LAMA2: variants seen among roughly 807,000 people sequenced by gnomAD.
LAMA2 encodes laminin subunit alpha 2, also known as laminin subunit alpha-2.
LAMA2 carries 269 observed loss-of-function variants against 364.8 expected under a neutral mutation model. The ratio of observed to expected loss-of-function variants is 0.74; its 90% CI spans 0.67 to 0.82. LAMA2 has a LOEUF of 0.82. LAMA2 is among the 40% of genes least tolerant of loss of function. The pLI is 0.00. For missense variants in LAMA2, 3,807 were observed against 3,873.2 expected, an observed-to-expected ratio of 0.98 and a Z score of 0.45; for synonymous variants, 1,379 against 1,370.6, an observed-to-expected ratio of 1.01 and a Z score of -0.14.
chr6:129,162,226 G>T (rs1281011619), intron 8 of LAMA2, among the ~76,000 whole-genome samples: 1 of 152,118 alleles, frequency 6.6e-6, no homozygotes, highest in Non-Finnish European at 1.5e-5. Flanking sequence ...TTAAGCTCAT[G>T]ATATAGTGAT....
Position 129,034,901 on chromosome 6 carries a change from T to G in LAMA2, c.113-15017T>G, listed in dbSNP as rs181333448. On this transcript the variant is annotated intron_variant, in intron 1 of 64. Transcript: ENST00000421865. ...CACATAGATTGTTGAGCACATAGAT[T>G]GAGTCCATGACTTTGCTATTGTGAA... 4.6e-5 allele frequency among the ~76,000 whole-genome samples: 7 copies of G among 152,300 alleles called. No homozygotes were observed. In the East Asian group the frequency reaches 1.3e-3, roughly 29 times the overall value.
At chr6:128,952,270 C>T (rs1009340846) in intron 1 of LAMA2, among the ~76,000 whole-genome samples, 3 of 152,114 alleles carry the variant, frequency 2.0e-5, no homozygotes, top group East Asian at 1.9e-4. Context: ...AAATATCTTT[C>T]CTAGAGTATA....
chr6:129,200,427 T>TATATAC (rs757627169), intron 12 of LAMA2, among the ~76,000 whole-genome samples: 2 of 149,040 alleles, frequency 1.3e-5, no homozygotes, highest in Admixed American at 1.3e-4. Flanking sequence ...TACGTGTATA[T>TATATAC]GTGTACACAT....
At chr6:128,979,191 ATATG>A in intron 1 of LAMA2, among the ~76,000 whole-genome samples, 1 of 152,282 alleles carries the variant, frequency 6.6e-6, no homozygotes, top group Middle Eastern at 3.4e-3. Context: ...GATATAAACA[ATATG>A]TATGTGTGAG....
intron 1 of LAMA2, among the ~76,000 whole-genome samples, chr6:129,027,606 T>A (rs1447568905): frequency 1.3e-5 from 2 of 151,954 alleles, no homozygotes; most frequent in Non-Finnish European, 2.9e-5. Context: ...TTTTTAATGT[T>A]AAAGATATGG....
chr6:129,390,026 T>C (rs1220152270), intron 35 of LAMA2, among the ~76,000 whole-genome samples: 9 of 152,194 alleles, frequency 5.9e-5, no homozygotes, highest in Non-Finnish European at 1.0e-4. Context: ...ATCTACAGCA[T>C]TGGCTATCAG....
At chr6:129,031,026 C>T (rs1234296757) in intron 1 of LAMA2, among the ~76,000 whole-genome samples, 18 of 152,078 alleles carry the variant, frequency 1.2e-4, no homozygotes, top group Non-Finnish European at 1.5e-5. Context: ...GAATTATTAG[C>T]AATACTATGC....
At chr6:129,152,036 G>A (rs754274677) in intron 7 of LAMA2, among the ~76,000 whole-genome samples, 1 of 152,130 alleles carries the variant, frequency 6.6e-6, no homozygotes, top group Non-Finnish European at 1.5e-5. Context: ...AGCAGGTTGG[G>A]AAAGGTATTT....
chr6:129,366,148 G>A (rs1175883973), intron 32 of LAMA2, 71 bp from the exon 33 acceptor site: 8 of 1,505,684 alleles, frequency 5.3e-6, no homozygotes, highest in Admixed American at 3.3e-5. Context: ...ATATTTCATA[G>A]CTGAATTCTT....
At position 129,058,694 on chromosome 6, in the gene LAMA2, A is replaced by G. The variant is rs1788666145; in HGVS notation, c.284-1090A>G. ...CCGCAAAAAGCTTCTGTAAGGGCCAAGGGAAAACTTCTCTTTTGCCCTCTG... is the reference window on the plus strand; with the variant it reads ...CCGCAAAAAGCTTCTGTAAGGGCCAGGGGAAAACTTCTCTTTTGCCCTCTG... On this transcript the variant is annotated intron_variant, in intron 2 of 64. Coordinates refer to ENST00000421865, the MANE Select transcript of LAMA2 (RefSeq NM_000426.4). Among the ~76,000 whole-genome samples the G allele has an allele frequency of 2.0e-5, 3 of 152,350 alleles. No homozygotes were observed. In the South Asian group the frequency reaches 6.2e-4, roughly 32 times the overall value.
chr6:129,323,490 A>T (rs755684519), intron 28 of LAMA2, among the ~76,000 whole-genome samples: 1 of 152,090 alleles, frequency 6.6e-6, no homozygotes, highest in Non-Finnish European at 1.5e-5. Context: ...TAAAAATGTT[A>T]GTTTTAGAAA....
At chr6:129,438,104 G>A (rs1474911005) in intron 41 of LAMA2, among the ~76,000 whole-genome samples, 8 of 151,660 alleles carry the variant, frequency 5.3e-5, no homozygotes, top group African/African-American at 1.9e-4. Context: ...TTTTCTTTAT[G>A]AGAAAAATGA....
intron 8 of LAMA2, among the ~76,000 whole-genome samples, chr6:129,161,559 A>G (rs1779439891): frequency 1.3e-5 from 2 of 152,128 alleles, no homozygotes; most frequent in Admixed American, 1.3e-4. Context: ...AGGTTCAGGT[A>G]GTACATGGGT....
At chr6:129,270,434 CTG>C (rs1244854596) in intron 16 of LAMA2, among the ~76,000 whole-genome samples, 188 bp from the exon 17 acceptor site, 2 of 152,030 alleles carry the variant, frequency 1.3e-5, no homozygotes, top group African/African-American at 4.8e-5. Context: ...GCTGAAACTA[CTG>C]TGTTGTTTAT....
chr6:129,501,024 G>A (rs1346473516), intron 58 of LAMA2, among the ~76,000 whole-genome samples: 2 of 152,172 alleles, frequency 1.3e-5, no homozygotes, highest in African/African-American at 4.8e-5. Context: ...GTGTAAAGAT[G>A]TTTCAGTGAA....
intron 4 of LAMA2, among the ~76,000 whole-genome samples, chr6:129,137,283 C>A (rs114311281): frequency 1.3e-5 from 2 of 151,674 alleles, no homozygotes; most frequent in East Asian, 3.9e-4. Context: ...TTATTAAAGA[C>A]CTTCCAAACT....
chr6:129,188,500 C>T (rs538524555), intron 10 of LAMA2, among the ~76,000 whole-genome samples: 5 of 151,986 alleles, frequency 3.3e-5, no homozygotes, highest in East Asian at 1.9e-4. Context: ...GTGTCCTCAA[C>T]GGGATAAACT....
intron 1 of LAMA2, among the ~76,000 whole-genome samples, chr6:128,948,606 G>T (rs116632691): frequency 0.012 from 1,809 of 152,260 alleles, 41 homozygotes; most frequent in African/African-American, 0.039. Flanking sequence ...CCTTCAAATC[G>T]CATGTTGAAA....
intron 35 of LAMA2, among the ~76,000 whole-genome samples, chr6:129,385,244 G>T (rs952924621): frequency 1.6e-5 from 2 of 124,900 alleles, no homozygotes; most frequent in Non-Finnish European, 3.4e-5. Context: ...ATGGAAAGAA[G>T]GAAGGAAAGA....
Sources: gnomAD v4.1 joint callset for allele counts (sites outside exome capture counted in the v4.1 genomes callset) on GRCh38, gnomAD v4.1.1 for gene constraint, MANE v1.5 for transcripts, NCBI Gene and HGNC (gene_info 2026-07-23, HGNC 2026-07-21) for gene names.